The following MYH7 variants were observed in gnomAD, a reference collection of about 807,000 sequenced individuals.
MYH7 encodes the protein myosin heavy chain 7.
Under a neutral mutation model 225.4 loss-of-function variants are expected in MYH7, and 129 were observed. The ratio of observed to expected loss-of-function variants is 0.57; its 90% CI spans 0.50 to 0.66. The LOEUF (loss-of-function observed/expected upper bound fraction) is 0.66. Among genes scored for constraint, MYH7 ranks in the 30% least tolerant of loss-of-function variants. MYH7 has a pLI of 0.00. For synonymous variants in MYH7, 971 were observed against 1,007.6 expected (o/e 0.96, Z 0.69); for missense variants, 1,649 against 2,517.0 (o/e 0.66, Z 7.38).
rs3729823 is a variant in MYH7, at chr14:23,417,200, G to C, written c.4472C>G (p.Ser1491Cys). 18,642 of 1,614,158 alleles carry C rather than the reference G, an allele frequency of 0.012. 156 individuals are homozygous for C. Among genetic ancestry groups the C allele is most frequent in the Non-Finnish European group, 0.014 (16,445 of 1,180,022 alleles). ...LFKLKNAYEE[S>C]LEHLETFKRE... ...CTTGAAGGTCTCCAGATGTTCCAGG[G>C]ACTCCTCATAGGCGTTCTTGAGTTT... The change falls in exon 32 of 40, where the codon TCC (serine) becomes TGC (cysteine). Residue 1491 changes from serine to cysteine, a missense_variant. Transcript: ENST00000355349.
chr14:23,420,832 G>C (rs770522791), intron 26 of MYH7, 126 bp downstream of exon 26: 4 of 746,964 alleles, frequency 5.4e-6, no homozygotes, highest in South Asian at 2.9e-5. Context: ...TGATAGCTGC[G>C]TGCCTGCCTC....
chr14:23,424,755 C>T lies in MYH7; in HGVS notation c.2679+14G>A. 2 of 1,613,812 alleles carry T rather than the reference C, an allele frequency of 1.2e-6. No individual in the cohort carries two copies. The highest frequency in any genetic ancestry group is 1.7e-6 in the Non-Finnish European group (2 of 1,180,024). On this transcript the variant is annotated intron_variant, in intron 22 of 39. Transcript: ENST00000355349. ...AGCAGGGTGGAAGAGCCAACAGTAG[C>T]CCAGGAGCCTCACCGCCTGCACTTG...
rs727505025 is a variant in MYH7 at position 23,417,652 on chromosome 14, C to T, written c.4204G>A (p.Glu1402Lys). ...TTGGCATTAACAGCCTCCACGGCCT[C>T]CTCAGCTTCCTGCAGCCGCTGGGCC... ...KLAQRLQEAE[E>K]AVEAVNAKCS... The change falls in exon 31 of 40, where the codon GAG becomes AAG. Residue 1402 changes from glutamate to lysine, a missense_variant. Transcript: ENST00000355349. The T allele has an allele frequency of 1.2e-6, 2 of 1,613,072 alleles. No homozygotes were observed. The highest frequency in any genetic ancestry group is 1.7e-6 in the Non-Finnish European group (2 of 1,180,038).
Position 23,425,184 on chromosome 14 carries a change from T to A in MYH7, c.2423+98A>T. 1 of 1,607,218 alleles carries A rather than the reference T, an allele frequency of 6.2e-7. No individual in the cohort carries two copies. Among genetic ancestry groups the A allele is most frequent in the Non-Finnish European group, 8.5e-7 (1 of 1,174,906 alleles). On this transcript the variant is annotated intron_variant, in intron 21 of 39. Transcript: ENST00000355349. The surrounding 1 kb of genome is among the most constrained non-coding windows in gnomAD (Gnocchi z 4.6). ...TTCATATGAGCCCCTCCTGCAGGTC[T>A]CTGTGTTTGAAGATCTGCTGAGCTT...
chr14:23,416,763 C>G (rs1892228550), intron 33 of MYH7, 105 bp downstream of exon 33: 1 of 1,585,396 alleles, frequency 6.3e-7, no homozygotes, highest in East Asian at 2.2e-5. Context: ...GTCCTAGGCT[C>G]TGGGGATGGG....
At chr14:23,418,804 G>A (rs1451219388) in intron 29 of MYH7, among the ~76,000 whole-genome samples, 1 of 152,166 alleles carries the variant, frequency 6.6e-6, no homozygotes, top group Non-Finnish European at 1.5e-5. Context: ...CATGAGTCCA[G>A]CAAAGTGCTA....
intron 15 of MYH7, 54 bp downstream of exon 15, chr14:23,428,446 G>C: frequency 6.2e-7 from 1 of 1,611,482 alleles, no homozygotes; most frequent in African/African-American, 1.3e-5. Flanking sequence ...TTTTGTCTAT[G>C]GTGTTCTTGT....
Position 23,417,010 on chromosome 14 carries a change from T to C in MYH7, c.4520-18A>G. On this transcript the variant is annotated intron_variant, in intron 32 of 39. Coordinates refer to ENST00000355349, the MANE Select transcript of MYH7 (RefSeq NM_000257.4). ...GATCTCCTCTGTGTGGGGAACACGG[T>C]AACTCGGTTGAGGGCTGCTGAGGTC... 2.5e-6 allele frequency: 4 copies of C among 1,614,212 alleles called. No homozygotes were observed. The highest frequency in any genetic ancestry group is 3.4e-6 in the Non-Finnish European group (4 of 1,180,040).
At position 23,423,395 on chromosome 14, in the gene MYH7, T is replaced by C. The variant is rs1451035969; in HGVS notation, c.3099+152A>G. 3 of 1,075,784 alleles carry C rather than the reference T, an allele frequency of 2.8e-6. No homozygotes were observed. In the African/African-American group the frequency reaches 4.7e-5, roughly 17 times the overall value. 66.6% of individuals were successfully genotyped at this position (1,075,784 alleles called of 1,614,324 possible). A position where few individuals can be genotyped will look rare whatever the true frequency, so the allele number is the denominator to read the frequency against. The stretch of plus-strand genomic sequence containing the variant: ...CCTTTCTAGAAAGATATCAGAAAAG[T>C]TAACATCCTCTAACCCTACCCCCCT... On this transcript the variant is annotated intron_variant, in intron 24 of 39. Coordinates refer to ENST00000355349, the MANE Select transcript of MYH7 (RefSeq NM_000257.4).
intron 25 of MYH7, 115 bp downstream of exon 25, chr14:23,422,065 G>T: frequency 6.7e-7 from 1 of 1,503,306 alleles, no homozygotes. Context: ...CATGGTTTGC[G>T]CCTCCACTTG....
chr14:23,431,224 A>G (rs528125533), intron 9 of MYH7, among the ~76,000 whole-genome samples, 194 bp downstream of exon 9: 6 of 152,286 alleles, frequency 3.9e-5, no homozygotes, highest in Admixed American at 3.3e-4. Flanking sequence ...CCATGCAGAG[A>G]CAGAAATGGA....
intron 6 of MYH7, 78 bp from the exon 7 acceptor site, chr14:23,431,947 G>T: frequency 6.9e-7 from 1 of 1,458,012 alleles, no homozygotes; most frequent in Non-Finnish European, 9.6e-7. Context: ...GAGAATGCCT[G>T]GGCCTACCCG....
intron 22 of MYH7, 126 bp downstream of exon 22, chr14:23,424,643 A>C: frequency 6.6e-7 from 1 of 1,505,564 alleles, no homozygotes; most frequent in Non-Finnish European, 9.0e-7. Flanking sequence ...GGTCTTTAGA[A>C]GTGTTGATCC....
At chr14:23,417,908 A>T in intron 30 of MYH7, 1 of 876,282 alleles carries the variant, frequency 1.1e-6, no homozygotes, top group South Asian at 1.3e-5. Context: ...TGCGCTATGG[A>T]CATTGAGGAG....
rs45469698 is a variant in MYH7 at position 23,419,396 on chromosome 14, G to A, written c.3853+87C>T. 4,214 of 1,611,902 alleles carry A rather than the reference G, an allele frequency of 2.6e-3. 123 individuals are homozygous for A. The African/African-American group carries it at 0.049, about 19-fold the overall frequency. The stretch of plus-strand genomic sequence containing the variant: ...GGAGAGACTCTGTGTCTGTGTGTGC[G>A]TGTATTGGCTTGTGCCCGAGGCTGG... On this transcript the variant is annotated intron_variant, in intron 28 of 39. Coordinates refer to ENST00000355349, the MANE Select transcript of MYH7 (RefSeq NM_000257.4).
intron 4 of MYH7, 125 bp downstream of exon 4, chr14:23,432,959 G>A: frequency 2.0e-6 from 3 of 1,522,214 alleles, no homozygotes; most frequent in Non-Finnish European, 2.7e-6. Context: ...TTGAACCAAG[G>A]ATGTTGGGAC....
rs735711 is a variant in MYH7 at position 23,429,818 on chromosome 14, C to T, written c.1095G>A (p.Lys365=). 230,135 of 1,613,522 alleles carry T rather than the reference C, an allele frequency of 0.14. 17,965 individuals carry two copies. The highest frequency in any genetic ancestry group is 0.16 in the Non-Finnish European group (189,697 of 1,179,950). The change falls in exon 12 of 40, where the codon AAG becomes AAA. Residue 365 remains lysine, a synonymous_variant. Transcript: ENST00000355349. ...AIMHFGNMKF[K]LKQREEQAEP... is the part of the protein sequence containing the mutation. ...CCGCCTGCTCCTCCCGCTGCTTCAG[C>T]TTGAACTTCATGTTTCCAAAGTGCA... is the stretch of plus-strand genomic sequence containing the variant.
chr14:23,425,820 T>C lies in MYH7; in HGVS notation c.2163-2A>G, dbSNP rs1892674583. On this transcript the variant is annotated splice_acceptor_variant, in intron 19 of 39. Transcript: ENST00000355349. LOFTEE classifies it high-confidence loss of function. This position sits in a 1 kb window ranked among gnomAD's most constrained non-coding sequence, Gnocchi z 4.6. ...GCCGCTGGGTTCAGGATGCGATACC[T>C]GAGGAGGGAAGTGTCCAGAGTCACC... 1.9e-6 allele frequency: 3 copies of C among 1,613,800 alleles called. No homozygotes were observed. Among genetic ancestry groups the C allele is most frequent in the Non-Finnish European group, 2.5e-6 (3 of 1,179,882 alleles).
At chr14:23,413,727 G>A (rs897499056) in intron 39 of MYH7, 32 bp downstream of exon 39, 5 of 1,612,920 alleles carry the variant, frequency 3.1e-6, no homozygotes, top group Middle Eastern at 2.0e-4. Flanking sequence ...CTGCTGTGGG[G>A]GTGACTAGCA....
Sources: gnomAD v4.1 joint callset for allele counts (sites outside exome capture counted in the v4.1 genomes callset) on GRCh38, gnomAD v4.1.1 for gene constraint, Gnocchi (gnomAD v3.1) non-coding constraint, MANE v1.5 for transcripts, NCBI Gene and HGNC (gene_info 2026-07-23, HGNC 2026-07-21) for gene names.